Variants in DOCK1 observed in about 807,000 individuals in gnomAD.
The protein encoded by DOCK1 is dedicator of cytokinesis protein 1.
DOCK1 carries 138 observed loss-of-function variants against 262.7 expected under a neutral mutation model. That is an observed-to-expected ratio of 0.53 (90% CI 0.46 to 0.61). The LOEUF (loss-of-function observed/expected upper bound fraction) is 0.61. Among genes scored for constraint, DOCK1 ranks in the 20% least tolerant of loss-of-function variants. The pLI is 0.00. For missense variants in DOCK1, 1,908 were observed against 2,370.7 expected (o/e 0.80, Z 4.05); for synonymous variants, 866 against 867.4 (o/e 1.00, Z 0.03).
At chr10:127,350,104 G>A (rs2063813193) in intron 31 of DOCK1, among the ~76,000 whole-genome samples, 2 of 151,950 alleles carry the variant, frequency 1.3e-5, no homozygotes, top group South Asian at 4.1e-4. Context: ...TAGAATCTAG[G>A]AAAAAATATC....
intron 29 of DOCK1, among the ~76,000 whole-genome samples, chr10:127,328,552 T>C (rs964681240): frequency 1.3e-5 from 2 of 152,160 alleles, no homozygotes; most frequent in African/African-American, 2.4e-5. Context: ...ATCAGAGGCT[T>C]GCCAGGGATG....
intron 1 of DOCK1, among the ~76,000 whole-genome samples, chr10:126,965,417 G>A (rs887592638): frequency 7.2e-5 from 11 of 152,156 alleles, no homozygotes; most frequent in South Asian, 4.1e-4. Flanking sequence ...CAGAATGCTC[G>A]GCGAAATGGT....
chr10:127,089,282 T>G (rs759534221), intron 23 of DOCK1, among the ~76,000 whole-genome samples: 5 of 152,114 alleles, frequency 3.3e-5, no homozygotes, highest in Non-Finnish European at 7.4e-5. Context: ...GGACTTTGCT[T>G]CTTGCCCCTG....
chr10:127,163,830 A>G (rs1167917410), intron 27 of DOCK1, among the ~76,000 whole-genome samples: 1 of 148,458 alleles, frequency 6.7e-6, no homozygotes, highest in East Asian at 2.0e-4. Context: ...CCCTGAAGCA[A>G]TCCTGGTGGA....
chr10:127,066,419 T>C (rs933442165), intron 23 of DOCK1, among the ~76,000 whole-genome samples: 1 of 152,196 alleles, frequency 6.6e-6, no homozygotes, highest in Non-Finnish European at 1.5e-5. Context: ...TTGGCATCTC[T>C]TTTGGTGTTT....
chr10:127,002,095 A>T (rs1177973066), intron 10 of DOCK1, among the ~76,000 whole-genome samples: 1 of 152,178 alleles, frequency 6.6e-6, no homozygotes, highest in African/African-American at 2.4e-5. Context: ...TTTTACATGT[A>T]ATCTAGTGTT....
chr10:126,933,823 CT>C (rs1420086176), intron 1 of DOCK1, among the ~76,000 whole-genome samples: 1 of 151,872 alleles, frequency 6.6e-6, no homozygotes, highest in Non-Finnish European at 1.5e-5. Flanking sequence ...CTATTTTAAT[CT>C]TTTTTTTGAG....
Position 127,023,328 on chromosome 10 carries a change from T to C in DOCK1, c.1452+4T>C, listed in dbSNP as rs758646717. The C allele has an allele frequency of 5.0e-6, 8 of 1,613,556 alleles. No homozygotes were observed. In the South Asian group the frequency reaches 8.8e-5, roughly 18 times the overall value. On this transcript the variant is annotated splice_donor_region_variant and intron_variant, in intron 14 of 51. Transcript: ENST00000623213. ...TGAGGATGGGAAACGATTAGAGGTA[T>C]TTATTGTGGCGAGGGCTCATCTGTA...
Position 127,315,053 on chromosome 10 carries a change from A to G in DOCK1, c.3045-23953A>G, listed in dbSNP as rs184909208. Among the ~76,000 whole-genome samples the G allele has an allele frequency of 5.0e-3, 752 of 151,830 alleles. 2 individuals carry two copies. The highest frequency in any genetic ancestry group is 7.4e-3 in the Non-Finnish European group (501 of 68,016). Reference sequence around the variant, plus strand: ...AAAGCAAATCCGCTCCTCCTGGCCCAGGGCCTGAAACCTGGGAGGCTCCTC... The same window carrying G: ...AAAGCAAATCCGCTCCTCCTGGCCCGGGGCCTGAAACCTGGGAGGCTCCTC... On this transcript the variant is annotated intron_variant, in intron 29 of 51. Coordinates refer to ENST00000623213, the MANE Select transcript of DOCK1 (RefSeq NM_001290223.2).
intron 23 of DOCK1, among the ~76,000 whole-genome samples, chr10:127,092,656 G>A (rs1470546936): frequency 6.6e-6 from 1 of 151,796 alleles, no homozygotes; most frequent in Non-Finnish European, 1.5e-5. Flanking sequence ...TAATTTTTTT[G>A]TATTTTTAAT....
At chr10:126,990,280 A>C (rs1221230779) in intron 5 of DOCK1, among the ~76,000 whole-genome samples, 175 bp from the exon 6 acceptor site, 1 of 152,212 alleles carries the variant, frequency 6.6e-6, no homozygotes, top group Non-Finnish European at 1.5e-5. Context: ...ATGGAAACCA[A>C]ATTCCGTATA....
intron 2 of DOCK1, among the ~76,000 whole-genome samples, chr10:126,975,844 C>T (rs2038495686): frequency 6.6e-6 from 1 of 151,826 alleles, no homozygotes; most frequent in Non-Finnish European, 1.5e-5. Context: ...TCTTGGAACT[C>T]CAGACCTCAA....
At chr10:126,974,472 G>A (rs2134725254) in intron 2 of DOCK1, among the ~76,000 whole-genome samples, 1 of 152,278 alleles carries the variant, frequency 6.6e-6, no homozygotes, top group African/African-American at 2.4e-5. Context: ...CCTGTTCCCT[G>A]GGTGGATGTC....
chr10:127,361,093 T>C (rs2133918616), intron 32 of DOCK1, among the ~76,000 whole-genome samples: 1 of 151,242 alleles, frequency 6.6e-6, no homozygotes, highest in South Asian at 2.1e-4. Context: ...GAAATGAGAT[T>C]AATAAAGTAG....
chr10:127,362,860 T>TACACATCC (rs1565026534), intron 33 of DOCK1, among the ~76,000 whole-genome samples: 5 of 36,444 alleles, frequency 1.4e-4, no homozygotes, highest in African/African-American at 2.6e-4. Flanking sequence ...CACATGTACA[T>TACACATCC]CCCCACACAC....
intron 38 of DOCK1, chr10:127,402,569 T>C (rs2067282303): frequency 2.1e-6 from 1 of 487,000 alleles, no homozygotes; most frequent in Non-Finnish European, 4.2e-6. Context: ...AGAGTCGAAG[T>C]CTGCCCTGTT....
At chr10:126,947,988 G>GGTA (rs2035692840) in intron 1 of DOCK1, among the ~76,000 whole-genome samples, 1 of 139,038 alleles carries the variant, frequency 7.2e-6, no homozygotes, top group African/African-American at 2.7e-5. Flanking sequence ...TGGTGGTGGT[G>GGTA]GTTGGTAGTA....
intron 29 of DOCK1, among the ~76,000 whole-genome samples, chr10:127,325,360 G>A (rs1442130217): frequency 1.3e-5 from 2 of 152,154 alleles, no homozygotes; most frequent in African/African-American, 4.8e-5. Context: ...TAAGTCTTTC[G>A]TTTTGCTAAC....
intron 4 of DOCK1, among the ~76,000 whole-genome samples, chr10:126,984,466 C>T (rs555232544): frequency 1.3e-5 from 2 of 152,162 alleles, no homozygotes; most frequent in African/African-American, 4.8e-5. Context: ...CCTGCCTTAG[C>T]CTCCCCAGTG....
Sources: allele counts gnomAD v4.1 joint callset (sites outside exome capture counted in the v4.1 genomes callset), GRCh38; gene constraint gnomAD v4.1.1; transcripts MANE v1.5; gene names NCBI Gene and HGNC (gene_info 2026-07-23, HGNC 2026-07-21).